SCAMP2: variants seen among roughly 807,000 people sequenced by gnomAD.
SCAMP2 encodes secretory carrier-associated membrane protein 2.
A neutral mutation model predicts 44.1 loss-of-function variants in SCAMP2; 25 were observed. The observed-to-expected ratio is 0.57, with a 90% CI of 0.41 to 0.79. The LOEUF is 0.79. SCAMP2 is among the 30% of genes least tolerant of loss of function. The pLI is 0.00. For synonymous variants in SCAMP2, 156 were observed against 166.0 expected (o/e 0.94, Z 0.46); for missense variants, 355 against 411.0 (o/e 0.86, Z 1.18).
chr15:74,858,114 CA>C (rs2064478747), intron 1 of SCAMP2, among the ~76,000 whole-genome samples: 1 of 152,100 alleles, frequency 6.6e-6, no homozygotes, highest in Non-Finnish European at 1.5e-5. Flanking sequence ...GGCTTCAAGA[CA>C]AGCTGAGCCC....
At chr15:74,863,811 C>T (rs1297143972) in intron 1 of SCAMP2, among the ~76,000 whole-genome samples, 1 of 152,132 alleles carries the variant, frequency 6.6e-6, no homozygotes, top group East Asian at 1.9e-4. Context: ...TACAGAGAAT[C>T]ACACAGAAGC....
rs1055866588 is a variant in SCAMP2 at position 74,844,784 on chromosome 15, C to G, written c.*299G>C. The G allele has an allele frequency of 3.4e-5, 10 of 295,488 alleles. No individual in the cohort carries two copies. Among genetic ancestry groups the G allele is most frequent in the Non-Finnish European group, 5.8e-5 (9 of 154,686 alleles). 18.3% of individuals were successfully genotyped at this position (295,488 alleles called of 1,614,324 possible). ...TGTGATCCCAACTGTGTGGGGGTGT[C>G]TGTGTGTGCACAGGACGAAGAGAAC... On this transcript the variant is annotated 3_prime_UTR_variant, in exon 9 of 9. Transcript: ENST00000268099.
At chr15:74,865,169 T>G (rs1596423877) in intron 1 of SCAMP2, among the ~76,000 whole-genome samples, 3 of 142,010 alleles carry the variant, frequency 2.1e-5, no homozygotes. Context: ...TCACCTGAGG[T>G]CAGGAGTTTG....
chr15:74,849,745 A>C (rs1300669652), intron 6 of SCAMP2, among the ~76,000 whole-genome samples: 1 of 152,230 alleles, frequency 6.6e-6, no homozygotes, highest in Non-Finnish European at 1.5e-5. Flanking sequence ...CTCCCTCTCA[A>C]AACAAAAACA....
chr15:74,873,181 G>C lies in SCAMP2; in HGVS notation c.57+18C>G. On this transcript the variant is annotated intron_variant, in intron 1 of 8. Transcript: ENST00000268099. The stretch of plus-strand genomic sequence containing the variant: ...CCTAGGGAAATCTGAGAGCTGGATG[G>C]CGGGAGAGGGGCTCTACCTGGAAGG... 7.0e-7 allele frequency: 1 copy of C among 1,429,072 alleles called. No individual in the cohort carries two copies. The highest frequency in any genetic ancestry group is 9.1e-7 in the Non-Finnish European group (1 of 1,094,526). 88.5% of individuals were successfully genotyped at this position (1,429,072 alleles called of 1,614,324 possible).
chr15:74,848,551 T>G (rs767047216), intron 7 of SCAMP2, 49 bp downstream of exon 7: 3 of 1,222,248 alleles, frequency 2.5e-6, no homozygotes, highest in South Asian at 2.5e-5. Flanking sequence ...CAAGAGAGGC[T>G]GAGTCCCATA....
chr15:74,844,870 G>T lies in SCAMP2; in HGVS notation c.*213C>A. The T allele has an allele frequency of 1.8e-6, 1 of 543,514 alleles. No individual in the cohort carries two copies. The allele number at this position is 543,514 out of a possible 1,614,324, so 33.7% of individuals were successfully genotyped here. ...ACCAAACCATCACCAGAGAAGGAAA[G>T]AGAGCTTTGTTTTTTTTTGTACATA... On this transcript the variant is annotated 3_prime_UTR_variant, in exon 9 of 9. Transcript: ENST00000268099.
At chr15:74,857,843 T>C (rs2064477160) in intron 1 of SCAMP2, among the ~76,000 whole-genome samples, 1 of 152,226 alleles carries the variant, frequency 6.6e-6, no homozygotes, top group African/African-American at 2.4e-5. Flanking sequence ...GTTCATATTC[T>C]AGTTCCTTGG....
chr15:74,873,243 C>G lies in SCAMP2; in HGVS notation c.13G>C (p.Asp5His), dbSNP rs374002749. MSAFDTNPFADPVDV... is the reference protein window; with the variant it reads MSAFHTNPFADPVDV... Reference sequence around the variant, plus strand: ...ACTGGGTCCGCGAAGGGGTTGGTGTCGAAAGCCGACATGGTGATCGGGGGC... The same window carrying G: ...ACTGGGTCCGCGAAGGGGTTGGTGTGGAAAGCCGACATGGTGATCGGGGGC... The change falls in exon 1 of 9, where the codon GAC becomes CAC. Residue 5 changes from aspartate (D) to histidine (H), a missense_variant. Asp to His is a moderately conservative substitution (Grantham distance 81). Coordinates refer to ENST00000268099, the MANE Select transcript of SCAMP2 (RefSeq NM_005697.5). 2 of 1,468,942 alleles carry G rather than the reference C, an allele frequency of 1.4e-6. No individual in the cohort carries two copies. Among genetic ancestry groups the G allele is most frequent in the Non-Finnish European group, 9.0e-7 (1 of 1,116,164 alleles). The allele number at this position is 1,468,942 out of a possible 1,614,324, so 91.0% of individuals were successfully genotyped here. A position where few individuals can be genotyped will look rare whatever the true frequency, so the allele number is the denominator to read the frequency against.
intron 1 of SCAMP2, among the ~76,000 whole-genome samples, chr15:74,862,850 C>CACACA (rs1387237378): frequency 2.9e-5 from 1 of 34,234 alleles, no homozygotes; most frequent in African/African-American, 9.0e-5. Context: ...AAAAAACAAA[C>CACACA]CATACACACA....
Position 74,844,914 on chromosome 15 carries a change from T to C in SCAMP2, c.*169A>G, listed in dbSNP as rs1803058. 1.0e-5 allele frequency: 7 copies of C among 687,058 alleles called. No homozygotes were observed. Among genetic ancestry groups the C allele is most frequent in the Non-Finnish European group, 1.7e-5 (7 of 415,698 alleles). 42.6% of individuals were successfully genotyped at this position (687,058 alleles called of 1,614,324 possible). On this transcript the variant is annotated 3_prime_UTR_variant, in exon 9 of 9. Transcript: ENST00000268099. ...GTACATAGAGGGGGAAAAAATTCCCTGTCCCTCCCGTTCCAGGGAGAGCTG... is the reference window on the plus strand; with the variant it reads ...GTACATAGAGGGGGAAAAAATTCCCCGTCCCTCCCGTTCCAGGGAGAGCTG...
intron 7 of SCAMP2, among the ~76,000 whole-genome samples, chr15:74,847,086 A>ATTTTTTTTT (rs34231883): frequency 1.0e-4 from 11 of 109,298 alleles, no homozygotes; most frequent in Admixed American, 1.1e-4. Context: ...TTGTCAGTTA[A>ATTTTTTTTT]TTTTTTTTTT....
intron 3 of SCAMP2, chr15:74,853,568 C>A: frequency 2.4e-6 from 1 of 423,154 alleles, no homozygotes; most frequent in South Asian, 1.6e-5. Context: ...GGCAGTGAGG[C>A]GGCGCAGTGG....
chr15:74,873,052 G>A, intron 1 of SCAMP2, 147 bp downstream of exon 1: 1 of 658,474 alleles, frequency 1.5e-6, no homozygotes. Flanking sequence ...CACGCGTTAC[G>A]ATAGGCCAGA....
intron 1 of SCAMP2, among the ~76,000 whole-genome samples, chr15:74,864,948 G>A (rs1428525142): frequency 2.0e-5 from 3 of 151,116 alleles, no homozygotes; most frequent in African/African-American, 4.9e-5. Context: ...TTAGCCGGGC[G>A]TGGTGGCACA....
intron 1 of SCAMP2, among the ~76,000 whole-genome samples, chr15:74,861,516 G>A (rs1596420366): frequency 6.6e-6 from 1 of 152,196 alleles, no homozygotes; most frequent in Non-Finnish European, 1.5e-5. Context: ...TCCAATGACA[G>A]AGACCACAGG....
chr15:74,865,595 C>T (rs1173706673), intron 1 of SCAMP2, among the ~76,000 whole-genome samples: 2 of 151,312 alleles, frequency 1.3e-5, no homozygotes, highest in Non-Finnish European at 2.9e-5. Flanking sequence ...GTGGTCTGAG[C>T]TCAGGAGGAA....
rs1416702715 is a variant in SCAMP2 at position 74,844,975 on chromosome 15, C to T, written c.*108G>A. 1.5e-6 allele frequency: 2 copies of T among 1,314,938 alleles called. No individual in the cohort carries two copies. Among genetic ancestry groups the T allele is most frequent in the Non-Finnish European group, 2.1e-6 (2 of 959,998 alleles). 81.5% of individuals were successfully genotyped at this position (1,314,938 alleles called of 1,614,324 possible). ...GAGGAGGAAGAGCCACGGCAAGAACCCTGCCAGGTCTGTGCTGGGCACAAC... is the reference window on the plus strand; with the variant it reads ...GAGGAGGAAGAGCCACGGCAAGAACTCTGCCAGGTCTGTGCTGGGCACAAC... On this transcript the variant is annotated 3_prime_UTR_variant, in exon 9 of 9. Transcript: ENST00000268099.
At chr15:74,857,891 C>T (rs1279478444) in intron 1 of SCAMP2, among the ~76,000 whole-genome samples, 1 of 152,194 alleles carries the variant, frequency 6.6e-6, no homozygotes, top group Non-Finnish European at 1.5e-5. Context: ...AGCAGCTCAG[C>T]GGTTTGAGAA....
Sources: allele counts gnomAD v4.1 joint callset (sites outside exome capture counted in the v4.1 genomes callset), GRCh38; gene constraint gnomAD v4.1.1; transcripts MANE v1.5; gene names NCBI Gene and HGNC (gene_info 2026-07-23, HGNC 2026-07-21).